The following DCLRE1C variants were observed in gnomAD, a reference collection of about 807,000 sequenced individuals.
The protein encoded by DCLRE1C is protein artemis.
In DCLRE1C, 47 loss-of-function variants were observed where a neutral mutation model predicts 61.4. The ratio of observed to expected loss-of-function variants is 0.77; its 90% CI spans 0.61 to 0.98. The LOEUF (loss-of-function observed/expected upper bound fraction) is 0.98, where lower values mean the gene tolerates loss of function less well. Ranked by LOEUF, DCLRE1C falls within the 50% of genes least tolerant of loss-of-function variation. DCLRE1C has a pLI of 0.00. For missense variants in DCLRE1C, 858 were observed against 816.0 expected, an observed-to-expected ratio of 1.05 and a Z score of -0.63; for synonymous variants, 337 against 287.6, an observed-to-expected ratio of 1.17 and a Z score of -1.74.
chr10:14,948,502 GGAGT>G (rs1842007341), intron 2 of DCLRE1C, among the ~76,000 whole-genome samples: 1 of 152,040 alleles, frequency 6.6e-6, no homozygotes, highest in African/African-American at 2.4e-5. Flanking sequence ...GAAATAACAT[GGAGT>G]GAGTTACTGC....
upstream of DCLRE1C, chr10:14,954,300 C>G (rs533659657): frequency 2.5e-5 from 13 of 527,354 alleles, no homozygotes; most frequent in African/African-American, 2.3e-4. Context: ...ACAGGTGTTG[C>G]TCTGGTAAGG....
intron 13 of DCLRE1C, among the ~76,000 whole-genome samples, chr10:14,912,478 T>C (rs192142478): frequency 1.3e-4 from 20 of 152,314 alleles, no homozygotes; most frequent in African/African-American, 4.6e-4. Context: ...AGACTTGTAC[T>C]CAAATTTTCA....
At chr10:14,939,095 G>A (rs373612417) in intron 4 of DCLRE1C, among the ~76,000 whole-genome samples, 1 of 152,132 alleles carries the variant, frequency 6.6e-6, no homozygotes, top group Admixed American at 6.6e-5. Context: ...AGGGGAGCTT[G>A]TCTGCCCCTT....
chr10:14,946,666 G>C (rs41296346), intron 2 of DCLRE1C, among the ~76,000 whole-genome samples: 522 of 97,496 alleles, frequency 5.4e-3, no homozygotes, highest in African/African-American at 0.019. Context: ...ACGCTAAAGA[G>C]ATTTTTTTTT....
Position 14,919,845 on chromosome 10 carries a change from A to C in DCLRE1C, c.1062-13T>G, listed in dbSNP as rs1379661902. 6.3e-7 allele frequency: 1 copy of C among 1,596,148 alleles called. No individual in the cohort carries two copies. Among genetic ancestry groups the C allele is most frequent in the Admixed American group, 1.7e-5 (1 of 60,000 alleles). ...TAAAGGCTTTAAGCTGAAATGAATC[A>C]GAATATTTGATTTTTCCTTTTGAGG... On this transcript the variant is annotated splice_polypyrimidine_tract_variant and intron_variant, in intron 12 of 13. Coordinates refer to ENST00000378278, the MANE Select transcript of DCLRE1C (RefSeq NM_001033855.3).
intron 11 of DCLRE1C, among the ~76,000 whole-genome samples, chr10:14,925,033 A>ACC (rs1170794076): frequency 6.6e-6 from 1 of 151,998 alleles, no homozygotes; most frequent in Non-Finnish European, 1.5e-5. Flanking sequence ...CTACATAAAA[A>ACC]TAAAAGGGCT....
intron 3 of DCLRE1C, among the ~76,000 whole-genome samples, chr10:14,944,153 T>C (rs1285158332): frequency 3.3e-5 from 5 of 152,200 alleles, no homozygotes; most frequent in Admixed American, 2.6e-4. Context: ...AGCAATTATG[T>C]TAATGAACAC....
Position 14,935,466 on chromosome 10 carries a change from C to A in DCLRE1C, c.461G>T (p.Gly154Val). Residue 154 changes from glycine to valine, a missense_variant, in exon 6 of 14, where the codon GGC becomes GTC. By Grantham distance (109) the Gly-to-Val change is moderately radical. Transcript: ENST00000378278. ...AARMELLHSGGRVKDIQSVYL... is the reference protein window; with the variant it reads ...AARMELLHSGVRVKDIQSVYL... The stretch of plus-strand genomic sequence containing the variant: ...AAACCTATACGAGGCCCAGTACCTG[C>A]CCCCGGAGTGCAGAAGCTCCATTCT... 1 of 1,613,384 alleles carries A rather than the reference C, an allele frequency of 6.2e-7. No individual in the cohort carries two copies. The highest frequency in any genetic ancestry group is 8.5e-7 in the Non-Finnish European group (1 of 1,179,448).
At chr10:14,931,392 T>C (rs900823258) in intron 9 of DCLRE1C, among the ~76,000 whole-genome samples, 1 of 151,914 alleles carries the variant, frequency 6.6e-6, no homozygotes, top group Non-Finnish European at 1.5e-5. Flanking sequence ...ACCCTGTCTC[T>C]ACTAAAAATA....
At chr10:14,933,749 A>G (rs1454097573) in intron 8 of DCLRE1C, among the ~76,000 whole-genome samples, 1 of 152,352 alleles carries the variant, frequency 6.6e-6, no homozygotes, top group East Asian at 1.9e-4. Flanking sequence ...ATTTATTTTC[A>G]ATGCTGGTCA....
chr10:14,901,204 G>T (rs768219577), downstream of DCLRE1C: 6 of 1,613,978 alleles, frequency 3.7e-6, no homozygotes, highest in Non-Finnish European at 4.2e-6. Context: ...GAATAGCATT[G>T]TTTTCCACAA....
intron 13 of DCLRE1C, among the ~76,000 whole-genome samples, chr10:14,912,011 T>C (rs1013644785): frequency 6.6e-6 from 1 of 152,240 alleles, no homozygotes; most frequent in Non-Finnish European, 1.5e-5. Context: ...GTGGGAATGT[T>C]TGGCAGTTCC....
intron 8 of DCLRE1C, 53 bp downstream of exon 8, chr10:14,934,327 C>CA (rs374055066): frequency 0.075 from 101,134 of 1,350,374 alleles, 36 homozygotes; most frequent in African/African-American, 0.085. Flanking sequence ...GACTCCCTCT[C>CA]AAAAAAAAAA....
chr10:14,921,613 G>A (rs1564400390), intron 12 of DCLRE1C, among the ~76,000 whole-genome samples: 1 of 152,064 alleles, frequency 6.6e-6, no homozygotes, highest in Non-Finnish European at 1.5e-5. Context: ...ACACACAAAT[G>A]ACCTAATTAC....
In DCLRE1C at chr10:14,945,095, T is replaced by C. The variant is rs374757450; in HGVS notation, c.246+10A>G. 8 of 1,602,022 alleles carry C rather than the reference T, an allele frequency of 5.0e-6. No homozygotes were observed. The highest frequency in any genetic ancestry group is 6.8e-6 in the Non-Finnish European group (8 of 1,173,456). On this transcript the variant is annotated intron_variant, in intron 3 of 13. Coordinates refer to ENST00000378278, the MANE Select transcript of DCLRE1C (RefSeq NM_001033855.3). ...AAAAAAAATTAAGTTATTAAAAAAA[T>C]AAAACTTACAATTCGTTTCTTCCAA...
chr10:14,908,164 G>GTTTTTTTTT lies in DCLRE1C; in HGVS notation c.*243_*244insAAAAAAAAA, dbSNP rs1564360471. On this transcript the variant is annotated 3_prime_UTR_variant, in exon 14 of 14. Coordinates refer to ENST00000378278, the MANE Select transcript of DCLRE1C (RefSeq NM_001033855.3). Reference sequence around the variant, plus strand: ...CCAGAGTAGCCCACCACCATGCCTGGCTTTTTTTTTTTTTTTTTTTTTTGT... The same window carrying GTTTTTTTTT: ...CCAGAGTAGCCCACCACCATGCCTGGTTTTTTTTTCTTTTTTTTTTTTTTTTTTTTTTGT... 3.1e-6 allele frequency: 1 copy of GTTTTTTTTT among 322,790 alleles called. No individual in the cohort carries two copies. The highest frequency in any genetic ancestry group is 5.8e-5 in the African/African-American group (1 of 17,324). The allele number at this position is 322,790 out of a possible 1,614,324, so 20.0% of individuals were successfully genotyped here.
chr10:14,944,662 A>AT (rs1226251983), intron 3 of DCLRE1C, among the ~76,000 whole-genome samples: 33 of 138,876 alleles, frequency 2.4e-4, no homozygotes, highest in Admixed American at 4.4e-4. Flanking sequence ...AACAGACTTA[A>AT]TTTTTTTTTT....
rs557145949 is a variant in DCLRE1C at position 14,906,510 on chromosome 10, G to T, written c.*1898C>A. 6.6e-6 allele frequency among the ~76,000 whole-genome samples: 1 copy of T among 152,158 alleles called. No individual in the cohort carries two copies. Among genetic ancestry groups the T allele is most frequent in the Non-Finnish European group, 1.5e-5 (1 of 68,024 alleles). ...AGGCATTTTTTGAACAACCACTTTC[G>T]ATCATAAGGTACACTGTTAAAACTA... On this transcript the variant is annotated 3_prime_UTR_variant, in exon 14 of 14. Transcript: ENST00000378278.
intron 3 of DCLRE1C, among the ~76,000 whole-genome samples, chr10:14,940,981 C>T (rs1178475106): frequency 1.3e-5 from 2 of 152,234 alleles, no homozygotes; most frequent in Non-Finnish European, 2.9e-5. Flanking sequence ...CTCCCAGGTT[C>T]AAGCAATTCT....
Sources: allele counts gnomAD v4.1 joint callset (sites outside exome capture counted in the v4.1 genomes callset), GRCh38; gene constraint gnomAD v4.1.1; transcripts MANE v1.5; gene names NCBI Gene and HGNC (gene_info 2026-07-23, HGNC 2026-07-21).